TRIM24: variants seen among roughly 807,000 people sequenced by gnomAD.
TRIM24 encodes the protein transcription intermediary factor 1-alpha.
A neutral mutation model predicts 123.9 loss-of-function variants in TRIM24; 29 were observed. That is an observed-to-expected ratio of 0.23 (90% CI 0.17 to 0.32). The LOEUF is 0.32. Among genes scored for constraint, TRIM24 ranks in the 10% least tolerant of loss-of-function variants. The probability of loss-of-function intolerance (pLI) is 1.00; values close to 1 mark genes in which losing one functional copy is unlikely to be tolerated. For synonymous variants in TRIM24, 456 were observed against 461.1 expected (o/e 0.99, Z 0.14); for missense variants, 932 against 1,295.3 (o/e 0.72, Z 4.31).
intron 7 of TRIM24, among the ~76,000 whole-genome samples, chr7:138,541,622 G>T (rs1373911310): frequency 6.6e-6 from 1 of 152,158 alleles, no homozygotes; most frequent in Non-Finnish European, 1.5e-5. Context: ...TGGTCAATGA[G>T]CATTGGCTTC....
chr7:138,509,744 A>T (rs1796246885), intron 2 of TRIM24, among the ~76,000 whole-genome samples: 1 of 151,702 alleles, frequency 6.6e-6, no homozygotes, highest in Non-Finnish European at 1.5e-5. Context: ...GAAAAAAAGA[A>T]TTATAGACTA....
At chr7:138,519,474 A>G (rs1796463981) in intron 4 of TRIM24, among the ~76,000 whole-genome samples, 153 bp downstream of exon 4, 2 of 152,138 alleles carry the variant, frequency 1.3e-5, no homozygotes, top group African/African-American at 4.8e-5. Flanking sequence ...TTTTGACACT[A>G]TTGATGTTTT....
At chr7:138,496,113 T>G (rs1430635044) in intron 1 of TRIM24, among the ~76,000 whole-genome samples, 1 of 152,222 alleles carries the variant, frequency 6.6e-6, no homozygotes, top group Non-Finnish European at 1.5e-5. Flanking sequence ...TAGGATCAGT[T>G]TGTTAGTTAC....
chr7:138,582,658 G>C lies in TRIM24; in HGVS notation c.2793+887G>C, dbSNP rs188097667. Among the ~76,000 whole-genome samples the C allele has an allele frequency of 1.2e-3, 180 of 152,202 alleles. 2 individuals carry two copies. Among genetic ancestry groups the C allele is most frequent in the Non-Finnish European group, 8.2e-4 (56 of 68,018 alleles). ...TGTCTGAACCCCGGAGGCGGAGGTT[G>C]CAGTGAGCCGAGATTGCGCCATTGC... On this transcript the variant is annotated intron_variant, in intron 17 of 18. Coordinates refer to ENST00000343526, the MANE Select transcript of TRIM24 (RefSeq NM_015905.3).
rs777819946 is a variant in TRIM24, at chr7:138,581,707, G to A, written c.2729G>A (p.Arg910His). ...LTPIDKRKCE[R>H]LLLFLYCHEM... ...TTTATTTTTGCTTAGAAGTGTGAGC[G>A]CCTACTTTTATTTCTTTACTGCCAT... Residue 910 changes from arginine (R) to histidine (H), a missense_variant, in exon 17 of 19, where the codon CGC becomes CAC. Physicochemically the swap from Arg to His is conservative, Grantham distance 29. Coordinates refer to ENST00000343526, the MANE Select transcript of TRIM24 (RefSeq NM_015905.3). The A allele has an allele frequency of 6.8e-6, 11 of 1,611,544 alleles. No individual in the cohort carries two copies. Among genetic ancestry groups the A allele is most frequent in the East Asian group, 2.2e-5 (1 of 44,780 alleles).
At chr7:138,510,954 T>C (rs868569717) in intron 2 of TRIM24, among the ~76,000 whole-genome samples, 12 of 152,252 alleles carry the variant, frequency 7.9e-5, no homozygotes, top group Non-Finnish European at 1.8e-4. Context: ...CCCAACCTCA[T>C]AGGTAACTAT....
At chr7:138,529,687 G>T (rs1207321003) in intron 6 of TRIM24, among the ~76,000 whole-genome samples, 1 of 152,154 alleles carries the variant, frequency 6.6e-6, no homozygotes, top group Non-Finnish European at 1.5e-5. Flanking sequence ...GTAATTGCGA[G>T]AGCAGCACTT....
intron 7 of TRIM24, among the ~76,000 whole-genome samples, chr7:138,548,322 A>G (rs1301156878): frequency 2.0e-5 from 3 of 152,172 alleles, no homozygotes; most frequent in African/African-American, 7.2e-5. Context: ...TCAAAATACA[A>G]TACAAAGGAT....
At position 138,463,055 on chromosome 7, in the gene TRIM24, T is replaced by G. The variant is rs546046426; in HGVS notation, c.364+2143T>G. Among the ~76,000 whole-genome samples the G allele has an allele frequency of 4.1e-3, 591 of 142,676 alleles. 8 individuals carry two copies. Among genetic ancestry groups the G allele is most frequent in the African/African-American group, 0.015 (575 of 38,784 alleles). 93.6% of individuals were successfully genotyped at this position (142,676 alleles called of 152,430 possible). On this transcript the variant is annotated intron_variant, in intron 1 of 18. Coordinates refer to ENST00000343526, the MANE Select transcript of TRIM24 (RefSeq NM_015905.3). ...CGGCTAATTTTGTGTTTTTTTTTTT[T>G]TTTTTTTTTTTTTTGGTAGAGGCGG...
intron 7 of TRIM24, chr7:138,545,477 G>A (rs1373744785): frequency 2.2e-6 from 1 of 456,884 alleles, no homozygotes. Flanking sequence ...TCCAGAGAAG[G>A]TGTTTAGAAA....
chr7:138,532,976 T>G (rs1796780646), intron 6 of TRIM24, among the ~76,000 whole-genome samples: 1 of 152,196 alleles, frequency 6.6e-6, no homozygotes, highest in South Asian at 2.1e-4. Context: ...TTCGAAGCAA[T>G]TGTGAATGGG....
rs758208094 is a variant in TRIM24 at position 138,584,895 on chromosome 7, G to A, written c.3097G>A (p.Val1033Ile). 32 of 1,613,748 alleles carry A rather than the reference G, an allele frequency of 2.0e-5. No homozygotes were observed. The highest frequency in any genetic ancestry group is 2.7e-5 in the Non-Finnish European group (32 of 1,179,832). ...KFSDDSDDDF[V>I]QPRKKRLKSI... ...TAGTGATGATTCAGATGATGACTTT[G>A]TACAGCCCCGGAAGAAACGCCTCAA... is the stretch of plus-strand genomic sequence containing the variant. Residue 1033 changes from valine to isoleucine, a missense_variant, in exon 19 of 19, where the codon GTA (valine) becomes ATA (isoleucine). Physicochemically the swap from Val to Ile is conservative, Grantham distance 29 (BLOSUM62 3). Around this residue, in one of 7 missense-constraint regions of TRIM24, gnomAD observed 104 missense variants for 121.5 expected, o/e 0.86. Transcript: ENST00000343526.
At chr7:138,485,294 A>G (rs1001054122) in intron 1 of TRIM24, among the ~76,000 whole-genome samples, 4 of 152,112 alleles carry the variant, frequency 2.6e-5, no homozygotes, top group African/African-American at 7.2e-5. Flanking sequence ...AAGTACATTC[A>G]TAGTGTTCTG....
At chr7:138,487,355 G>A (rs1489101702) in intron 1 of TRIM24, among the ~76,000 whole-genome samples, 1 of 152,102 alleles carries the variant, frequency 6.6e-6, no homozygotes, top group African/African-American at 2.4e-5. Flanking sequence ...GATTGCCCTG[G>A]CCAGAACTTC....
Position 138,461,267 on chromosome 7 carries a change from G to C in TRIM24, c.364+355G>C, listed in dbSNP as rs78366360. 2.9e-4 allele frequency: 167 copies of C among 574,798 alleles called. No homozygotes were observed. The East Asian group carries it at 6.9e-3, about 24-fold the overall frequency. 35.6% of individuals were successfully genotyped at this position (574,798 alleles called of 1,614,324 possible). On this transcript the variant is annotated intron_variant, in intron 1 of 18. Coordinates refer to ENST00000343526, the MANE Select transcript of TRIM24 (RefSeq NM_015905.3). ...CTTTGCCGGCTGCAGCCAGTTAACT[G>C]CTACCCGCCCGCTGCCTCCACAAAG...
chr7:138,556,744 T>C (rs1012830477), intron 9 of TRIM24, among the ~76,000 whole-genome samples: 1 of 152,234 alleles, frequency 6.6e-6, no homozygotes, highest in Middle Eastern at 3.2e-3. Flanking sequence ...AGGCTTGCTT[T>C]CTAGCCTTTG....
Position 138,580,600 on chromosome 7 carries a change from A to G in TRIM24, c.2624A>G (p.Lys875Arg), listed in dbSNP as rs1203800563. The G allele has an allele frequency of 6.2e-7, 1 of 1,613,868 alleles. No individual in the cohort carries two copies. The highest frequency in any genetic ancestry group is 2.2e-5 in the East Asian group (1 of 44,828). Residue 875 changes from lysine to arginine, a missense_variant, in exon 16 of 19, where the codon AAA (lysine) becomes AGA (arginine). By Grantham distance (26) the Lys-to-Arg change is conservative. This residue lies in a region of TRIM24 where 45 missense variants were observed against 56.6 expected (regional missense o/e 0.80). Coordinates refer to ENST00000343526, the MANE Select transcript of TRIM24 (RefSeq NM_015905.3). ...TGCACTTTCTGCCGAGACTTATCTA[A>G]ACCAGAAGTTGAATATGATTGTGAT... ...WICTFCRDLS[K>R]PEVEYDCDAP... is the part of the protein sequence containing the mutation.
At chr7:138,509,701 CAAAAA>C (rs538243079) in intron 2 of TRIM24, among the ~76,000 whole-genome samples, 1,787 of 67,828 alleles carry the variant, frequency 0.026, 24 homozygotes, top group African/African-American at 0.089. Context: ...GACTCTGTCT[CAAAAA>C]AAAAAAAAAA....
intron 1 of TRIM24, among the ~76,000 whole-genome samples, chr7:138,474,128 C>CTTTT (rs71177990): frequency 7.3e-6 from 1 of 137,244 alleles, no homozygotes; most frequent in Non-Finnish European, 1.5e-5. Context: ...TGTACTTTTT[C>CTTTT]TTTTTTTTTT....
Sources: gnomAD v4.1 joint callset for allele counts (sites outside exome capture counted in the v4.1 genomes callset) on GRCh38, gnomAD v4.1.1 for gene constraint, gnomAD v4.1.1 regional missense constraint, MANE v1.5 for transcripts, NCBI Gene and HGNC (gene_info 2026-07-23, HGNC 2026-07-21) for gene names.